CFAP20DC: variants seen among roughly 807,000 people sequenced by gnomAD.
CFAP20DC encodes protein CFAP20DC.
CFAP20DC carries 84 observed loss-of-function variants against 101.7 expected under a neutral mutation model. That is an observed-to-expected ratio of 0.83 (90% confidence interval 0.69 to 0.99). The LOEUF is 0.99. Ranked by LOEUF, CFAP20DC falls within the 50% of genes least tolerant of loss-of-function variation. CFAP20DC has a pLI of 0.00. For missense variants in CFAP20DC, 1,007 were observed against 970.3 expected (o/e 1.04, Z -0.50); for synonymous variants, 359 against 351.2 (o/e 1.02, Z -0.25).
intron 6 of CFAP20DC, among the ~76,000 whole-genome samples, chr3:58,906,573 C>T (rs916583647): frequency 2.6e-5 from 4 of 152,110 alleles, no homozygotes; most frequent in African/African-American, 9.7e-5. Context: ...GCCTGAAATG[C>T]TTTTTCTACT....
At chr3:59,046,441 A>G in intron 2 of CFAP20DC, 119 bp from the exon 3 acceptor site, 1 of 674,256 alleles carries the variant, frequency 1.5e-6, no homozygotes, top group Non-Finnish European at 2.5e-6. Flanking sequence ...ACTTAAAAGC[A>G]GGCTCAGGCC....
chr3:59,048,643 C>T (rs991720256), intron 1 of CFAP20DC, among the ~76,000 whole-genome samples: 2 of 152,032 alleles, frequency 1.3e-5, no homozygotes, highest in South Asian at 4.2e-4. Flanking sequence ...ACGAATGGGA[C>T]AGAAGAAAGA....
intron 15 of CFAP20DC, among the ~76,000 whole-genome samples, chr3:58,778,392 G>A (rs1028672891): frequency 7.2e-5 from 11 of 152,138 alleles, no homozygotes; most frequent in African/African-American, 2.7e-4. Context: ...TCGGGTGTGA[G>A]GTGGGGCGTT....
At position 58,889,002 on chromosome 3, in the gene CFAP20DC, C is replaced by CT. The variant is rs772463592; in HGVS notation, c.551-4294dup. Among the ~76,000 whole-genome samples, 376 of 145,202 alleles carry CT rather than the reference C, an allele frequency of 2.6e-3. 1 individual carries two copies. Among genetic ancestry groups the CT allele is most frequent in the Non-Finnish European group, 4.2e-3 (274 of 65,874 alleles). On this transcript the variant is annotated intron_variant, in intron 6 of 16. Transcript: ENST00000482387. ...CAGCATCTATTGTTTTTTTTTTTTACTTTTTTTTTTAATTTTAGTATTTTG... is the reference window on the plus strand; with the variant it reads ...CAGCATCTATTGTTTTTTTTTTTTACTTTTTTTTTTTAATTTTAGTATTTTG...
chr3:58,959,564 T>A (rs531980981), intron 4 of CFAP20DC, among the ~76,000 whole-genome samples: 67 of 152,308 alleles, frequency 4.4e-4, no homozygotes, highest in Non-Finnish European at 8.8e-4. Context: ...CTGTCAAAAA[T>A]CAACTGGCCA....
At chr3:58,785,333 T>TA (rs1223074781) in intron 15 of CFAP20DC, among the ~76,000 whole-genome samples, 2 of 152,004 alleles carry the variant, frequency 1.3e-5, no homozygotes, top group Non-Finnish European at 2.9e-5. Context: ...GGTATAAACA[T>TA]ACAATTAGAT....
chr3:59,011,822 T>C (rs953680228), intron 4 of CFAP20DC, among the ~76,000 whole-genome samples: 9 of 152,172 alleles, frequency 5.9e-5, no homozygotes, highest in African/African-American at 2.2e-4. Context: ...GGACAATTAT[T>C]TGTTAGGTAA....
intron 13 of CFAP20DC, among the ~76,000 whole-genome samples, chr3:58,844,706 T>C (rs1384148261): frequency 4.6e-5 from 6 of 129,784 alleles, no homozygotes; most frequent in African/African-American, 1.5e-4. Flanking sequence ...CAACAGAATA[T>C]ACATTTTTTT....
rs191286710 is a variant in CFAP20DC at position 58,804,511 on chromosome 3, T to C, written c.2237+1884A>G. On this transcript the variant is annotated intron_variant, in intron 15 of 16. Transcript: ENST00000482387. ...CTGAGTAGCTGGGATTATAGGCATA[T>C]GCCACCACACCCTGCTAATTTTTGT... Among the ~76,000 whole-genome samples the C allele has an allele frequency of 3.8e-3, 572 of 152,158 alleles. 11 individuals are homozygous for C. Among genetic ancestry groups the C allele is most frequent in the Non-Finnish European group, 2.3e-3 (159 of 67,990 alleles).
intron 13 of CFAP20DC, among the ~76,000 whole-genome samples, chr3:58,842,057 A>G (rs539251697): frequency 7.9e-5 from 12 of 152,214 alleles, no homozygotes; most frequent in Non-Finnish European, 1.6e-4. Context: ...GTAATAGATA[A>G]CTCTATTAAA....
chr3:59,049,097 C>T (rs1177177450), intron 1 of CFAP20DC, among the ~76,000 whole-genome samples: 2 of 152,188 alleles, frequency 1.3e-5, no homozygotes. Flanking sequence ...CCCAAGAAAG[C>T]CTGATGTACT....
chr3:58,986,661 C>T (rs1438264929), intron 4 of CFAP20DC, among the ~76,000 whole-genome samples: 1 of 152,174 alleles, frequency 6.6e-6, no homozygotes, highest in Non-Finnish European at 1.5e-5. Flanking sequence ...TGACTTTAAA[C>T]TACCCTTGTG....
Position 58,717,685 on chromosome 3 carries a change from CT to C in CFAP20DC, c.198-58del. 1 of 423,206 alleles carries C rather than the reference CT, an allele frequency of 2.4e-6. No homozygotes were observed. Among genetic ancestry groups the C allele is most frequent in the Non-Finnish European group, 4.6e-6 (1 of 216,596 alleles). 26.2% of individuals were successfully genotyped at this position (423,206 alleles called of 1,614,324 possible). On this transcript the variant is annotated intron_variant, in intron 3 of 3. Coordinates refer to the CFAP20DC transcript ENST00000486145. The surrounding 1 kb of genome is among the most constrained non-coding windows in gnomAD (Gnocchi z 4.1). The stretch of plus-strand genomic sequence containing the variant: ...AAAAAAAAAGAAAAAAGGTACATGC[CT>C]TTTATTCTGGGTCTGTCCATTGTTA...
In CFAP20DC at chr3:58,788,219, CA is replaced by C. The variant is rs1274219912; in HGVS notation, c.2237+18175del. On this transcript the variant is annotated intron_variant, in intron 15 of 16. Coordinates refer to ENST00000482387, the MANE Select transcript of CFAP20DC (RefSeq NM_001394063.1). This position sits in a 1 kb window ranked among gnomAD's most constrained non-coding sequence, Gnocchi z 4.2. Reference sequence around the variant, plus strand: ...AAAACTCCAACTCACTGCATACAGACAGATTCTGAGCACGCAGTGAGAAAGG... The same window carrying C: ...AAAACTCCAACTCACTGCATACAGACGATTCTGAGCACGCAGTGAGAAAGG... 6.6e-6 allele frequency among the ~76,000 whole-genome samples: 1 copy of C among 151,664 alleles called. No homozygotes were observed.
At chr3:58,797,293 A>G (rs2107670030) in intron 15 of CFAP20DC, among the ~76,000 whole-genome samples, 1 of 152,336 alleles carries the variant, frequency 6.6e-6, no homozygotes, top group Middle Eastern at 3.4e-3. Context: ...CTTACTCCAG[A>G]GAACACACAA....
At chr3:59,024,440 G>C (rs2093856661) in intron 4 of CFAP20DC, among the ~76,000 whole-genome samples, 1 of 152,160 alleles carries the variant, frequency 6.6e-6, no homozygotes, top group South Asian at 2.1e-4. Context: ...TGGAGGTGGA[G>C]AGTTGGTTGT....
chr3:58,951,183 A>C (rs1271485022), intron 4 of CFAP20DC, among the ~76,000 whole-genome samples: 4 of 152,234 alleles, frequency 2.6e-5, no homozygotes, highest in Non-Finnish European at 4.4e-5. Context: ...CCATCAGAGA[A>C]ATGCAAATCA....
intron 14 of CFAP20DC, among the ~76,000 whole-genome samples, chr3:58,830,068 A>G (rs2076293304): frequency 6.6e-6 from 1 of 152,150 alleles, no homozygotes; most frequent in Non-Finnish European, 1.5e-5. Flanking sequence ...GAAGTCAGAT[A>G]TTTTTCTGGG....
chr3:58,935,576 A>G (rs1411856404), intron 5 of CFAP20DC, among the ~76,000 whole-genome samples: 1 of 152,094 alleles, frequency 6.6e-6, no homozygotes, highest in Admixed American at 6.5e-5. Context: ...CAAAACAGAG[A>G]TATAGATCAA....
Sources: gnomAD v4.1 joint callset for allele counts (sites outside exome capture counted in the v4.1 genomes callset) on GRCh38, gnomAD v4.1.1 for gene constraint, Gnocchi (gnomAD v3.1) non-coding constraint, MANE v1.5 for transcripts, NCBI Gene and HGNC (gene_info 2026-07-23, HGNC 2026-07-21) for gene names.